Variants in SPON1 observed in about 807,000 individuals in gnomAD.
The protein encoded by SPON1 is spondin 1, also known as spondin-1.
Under a neutral mutation model 111.7 loss-of-function variants are expected in SPON1, and 52 were observed. The observed-to-expected ratio is 0.47, with a 90% CI of 0.37 to 0.59. The LOEUF (loss-of-function observed/expected upper bound fraction) is 0.59. Ranked by LOEUF, SPON1 falls within the 20% of genes least tolerant of loss-of-function variation. The pLI, the probability that SPON1 is intolerant of heterozygous loss-of-function variation, is 0.00. For synonymous variants in SPON1, 410 were observed against 395.8 expected (o/e 1.04, Z -0.43); for missense variants, 957 against 1,068.5 (o/e 0.90, Z 1.46).
intron 3 of SPON1, among the ~76,000 whole-genome samples, chr11:14,046,537 G>A (rs1179516662): frequency 1.3e-5 from 2 of 152,092 alleles, no homozygotes; most frequent in Non-Finnish European, 2.9e-5. Flanking sequence ...TTCATTAAAT[G>A]CAAAATTTTT....
intron 3 of SPON1, among the ~76,000 whole-genome samples, chr11:14,062,745 T>C (rs1206293984): frequency 6.6e-6 from 1 of 152,242 alleles, no homozygotes; most frequent in African/African-American, 2.4e-5. Flanking sequence ...TGCATCTCAC[T>C]TTATAATAGA....
chr11:14,199,959 C>T (rs548715053), intron 6 of SPON1, among the ~76,000 whole-genome samples: 1 of 152,222 alleles, frequency 6.6e-6, no homozygotes, highest in Non-Finnish European at 1.5e-5. Context: ...CTATTCCAAA[C>T]CGCTTACAGT....
chr11:14,144,701 C>G (rs1847698851), intron 6 of SPON1, among the ~76,000 whole-genome samples: 1 of 151,252 alleles, frequency 6.6e-6, no homozygotes, highest in Non-Finnish European at 1.5e-5. Flanking sequence ...CCAAAGAAGA[C>G]TTTGAGTAAA....
Position 14,231,355 on chromosome 11 carries a change from G to C in SPON1, c.826-11977G>C, listed in dbSNP as rs149670067. On this transcript the variant is annotated intron_variant, in intron 6 of 15. Coordinates refer to ENST00000576479, the MANE Select transcript of SPON1 (RefSeq NM_006108.4). Reference sequence around the variant, plus strand: ...TTACCGTGTTAGCCAGGATGGTCTCGATCTCCTGACCGCGTGATCCACCTG... The same window carrying C: ...TTACCGTGTTAGCCAGGATGGTCTCCATCTCCTGACCGCGTGATCCACCTG... Among the ~76,000 whole-genome samples, 10 of 151,442 alleles carry C rather than the reference G, an allele frequency of 6.6e-5. No homozygotes were observed. In the South Asian group the frequency reaches 2.1e-3, roughly 32 times the overall value.
intron 5 of SPON1, among the ~76,000 whole-genome samples, chr11:14,085,852 G>A (rs1267596322): frequency 2.6e-5 from 4 of 152,126 alleles, no homozygotes; most frequent in African/African-American, 9.7e-5. Flanking sequence ...TCTCCTTGAA[G>A]AGGTCATTCA....
intron 3 of SPON1, among the ~76,000 whole-genome samples, chr11:14,052,122 A>AG (rs1407912829): frequency 2.0e-5 from 3 of 152,320 alleles, no homozygotes; most frequent in African/African-American, 7.2e-5. Flanking sequence ...CAGGGGTTGG[A>AG]GGTCTACCTG....
chr11:14,071,298 G>A (rs561230212), intron 3 of SPON1, among the ~76,000 whole-genome samples: 14 of 152,206 alleles, frequency 9.2e-5, no homozygotes, highest in African/African-American at 3.4e-4. Flanking sequence ...CAAAGTCTTG[G>A]TCTCCACTAG....
At chr11:14,205,257 C>G (rs149165180) in intron 6 of SPON1, among the ~76,000 whole-genome samples, 9 of 152,286 alleles carry the variant, frequency 5.9e-5, no homozygotes, top group African/African-American at 1.9e-4. Context: ...TGACGCATAT[C>G]GTATTATTAC....
chr11:14,193,820 C>T (rs1401560883), intron 6 of SPON1, among the ~76,000 whole-genome samples: 1 of 152,206 alleles, frequency 6.6e-6, no homozygotes, highest in Non-Finnish European at 1.5e-5. Flanking sequence ...GGCAGGGCCA[C>T]ACGGTGAGAC....
At chr11:14,004,933 A>T (rs1848347525) in intron 2 of SPON1, among the ~76,000 whole-genome samples, 1 of 152,082 alleles carries the variant, frequency 6.6e-6, no homozygotes, top group Admixed American at 6.5e-5. Context: ...GGGTCTCCTG[A>T]GTAGTTGGGA....
At chr11:14,158,996 G>T (rs1426214025) in intron 6 of SPON1, among the ~76,000 whole-genome samples, 2 of 147,384 alleles carry the variant, frequency 1.4e-5, no homozygotes, top group African/African-American at 5.0e-5. Context: ...CTCTTACTTT[G>T]TTTCTATTCT....
chr11:14,063,963 A>T (rs1307372161), intron 3 of SPON1, among the ~76,000 whole-genome samples: 2 of 152,130 alleles, frequency 1.3e-5, no homozygotes, highest in African/African-American at 4.8e-5. Flanking sequence ...ATCACACAGC[A>T]CTCTGGGTGG....
chr11:14,025,369 T>C (rs1848509940), intron 2 of SPON1, among the ~76,000 whole-genome samples: 1 of 152,230 alleles, frequency 6.6e-6, no homozygotes, highest in Admixed American at 6.5e-5. Context: ...CAAGTATATA[T>C]GATGTGCCAG....
At chr11:14,010,927 C>G (rs1003642951) in intron 2 of SPON1, among the ~76,000 whole-genome samples, 21 of 152,158 alleles carry the variant, frequency 1.4e-4, no homozygotes, top group Non-Finnish European at 1.9e-4. Flanking sequence ...ATAAAATGCC[C>G]TTGATAAACG....
Position 14,017,701 on chromosome 11 carries a change from CTG to C in SPON1, c.346-23818_346-23817del, listed in dbSNP as rs1481851333. Among the ~76,000 whole-genome samples the C allele has an allele frequency of 3.3e-5, 5 of 152,352 alleles. No homozygotes were observed. In the East Asian group the frequency reaches 9.6e-4, roughly 29 times the overall value. ...GTTCAGGCATATTTCATTGGGCACA[CTG>C]TCTTTCCAAATATTTGCAAAATTGG... On this transcript the variant is annotated intron_variant, in intron 2 of 15. Coordinates refer to ENST00000576479, the MANE Select transcript of SPON1 (RefSeq NM_006108.4).
At chr11:14,055,201 C>A (rs11023068) in intron 3 of SPON1, among the ~76,000 whole-genome samples, 3,489 of 152,286 alleles carry the variant, frequency 0.023, 56 homozygotes, top group Middle Eastern at 0.034. Flanking sequence ...TCCTATCTTT[C>A]TATTTGTTTC....
intron 6 of SPON1, among the ~76,000 whole-genome samples, chr11:14,225,329 T>C (rs781847070): frequency 1.3e-5 from 2 of 152,184 alleles, no homozygotes; most frequent in Non-Finnish European, 2.9e-5. Flanking sequence ...ACAAAGAACA[T>C]ATTTTGTATA....
At chr11:13,985,453 T>C (rs1287335587) in intron 2 of SPON1, among the ~76,000 whole-genome samples, 1 of 152,192 alleles carries the variant, frequency 6.6e-6, no homozygotes, top group African/African-American at 2.4e-5. Context: ...GAAGAGAAAC[T>C]TGTGGCAAAG....
At chr11:14,128,366 G>A (rs1290853687) in intron 5 of SPON1, among the ~76,000 whole-genome samples, 1 of 152,158 alleles carries the variant, frequency 6.6e-6, no homozygotes, top group East Asian at 1.9e-4. Context: ...GGGGCTATAG[G>A]CCCCATGCAA....
Sources: gnomAD v4.1 joint callset for allele counts (sites outside exome capture counted in the v4.1 genomes callset) on GRCh38, gnomAD v4.1.1 for gene constraint, MANE v1.5 for transcripts, NCBI Gene and HGNC (gene_info 2026-07-23, HGNC 2026-07-21) for gene names.